DMD: variants seen among roughly 807,000 people sequenced by gnomAD.
DMD encodes the protein mutant dystrophin.
Under a neutral mutation model 330.1 loss-of-function variants are expected in DMD, and 63 were observed. The ratio of observed to expected loss-of-function variants is 0.19; its 90% CI spans 0.16 to 0.24. DMD has a LOEUF of 0.24. DMD is among the 10% of genes least tolerant of loss of function. The pLI is 1.00. For missense variants in DMD, 3,344 were observed against 2,684.1 expected, an observed-to-expected ratio of 1.25 and a Z score of -5.43; for synonymous variants, 1,223 against 959.8, an observed-to-expected ratio of 1.27 and a Z score of -5.07.
chrX:32,907,177 T>C (rs1371513851), intron 2 of DMD, among the ~76,000 whole-genome samples: 2 of 112,265 alleles, frequency 1.8e-5, no homozygotes, highest in African/African-American at 6.5e-5. Flanking sequence ...CTCACTGTGA[T>C]GTTCATTTCA....
At chrX:31,652,873 T>C (rs1157652537) in intron 54 of DMD, among the ~76,000 whole-genome samples, 1 of 110,439 alleles carries the variant, frequency 9.1e-6, no homozygotes, top group East Asian at 2.8e-4. Context: ...AAAAATGATA[T>C]AGTAAGCAGA....
chrX:32,136,179 G>A (rs1298636011), intron 44 of DMD, among the ~76,000 whole-genome samples: 2 of 112,429 alleles, frequency 1.8e-5, no homozygotes, highest in Non-Finnish European at 3.7e-5. Flanking sequence ...TGTGTTCTAA[G>A]TAAGCCAACC....
At chrX:32,928,802 A>G (rs2089322110) in intron 2 of DMD, among the ~76,000 whole-genome samples, 2 of 112,142 alleles carry the variant, frequency 1.8e-5, no homozygotes, top group Non-Finnish European at 3.8e-5. Flanking sequence ...GCTTACAATC[A>G]GATATTCTCA....
intron 1 of DMD, among the ~76,000 whole-genome samples, chrX:33,246,344 C>T (rs1258032818): frequency 3.6e-5 from 4 of 111,708 alleles, no homozygotes; most frequent in African/African-American, 1.3e-4. Context: ...AACAAGCTAA[C>T]AGTGGCAACA....
chrX:33,254,519 A>C (rs1037278143), intron 1 of DMD, among the ~76,000 whole-genome samples: 2 of 110,442 alleles, frequency 1.8e-5, no homozygotes, highest in African/African-American at 6.5e-5. Context: ...CTATATTTTG[A>C]TATAGACTTC....
chrX:32,263,912 G>A (rs1473679133), intron 43 of DMD, among the ~76,000 whole-genome samples: 1 of 111,871 alleles, frequency 8.9e-6, no homozygotes, highest in Non-Finnish European at 1.9e-5. Flanking sequence ...AAATGTAAAT[G>A]AAACTCACTT....
intron 47 of DMD, among the ~76,000 whole-genome samples, chrX:31,909,574 G>A (rs1603579373): frequency 9.4e-6 from 1 of 106,731 alleles, no homozygotes; most frequent in Non-Finnish European, 1.9e-5. Flanking sequence ...CATATTTATT[G>A]TTTAAATCAG....
At chrX:32,750,577 G>A (rs1488417863) in intron 7 of DMD, among the ~76,000 whole-genome samples, 1 of 110,668 alleles carries the variant, frequency 9.0e-6, no homozygotes, top group East Asian at 2.8e-4. Flanking sequence ...ACAGGAAGCA[G>A]AGCCAAACTC....
chrX:33,184,774 A>G (rs1158086928), intron 1 of DMD, among the ~76,000 whole-genome samples: 1 of 86,296 alleles, frequency 1.2e-5, no homozygotes, highest in Non-Finnish European at 2.1e-5. Flanking sequence ...CCCAGGCTGG[A>G]GTGCCATGGC....
intron 48 of DMD, among the ~76,000 whole-genome samples, chrX:31,848,124 T>C (rs2093460170): frequency 8.9e-6 from 1 of 111,988 alleles, no homozygotes; most frequent in Non-Finnish European, 1.9e-5. Flanking sequence ...ATTATGTTAA[T>C]TATTTCTCCT....
intron 45 of DMD, among the ~76,000 whole-genome samples, chrX:31,935,014 C>T (rs1313569478): frequency 1.8e-5 from 2 of 111,885 alleles, no homozygotes; most frequent in African/African-American, 3.2e-5. Flanking sequence ...TCTTCTTCTA[C>T]TCTATGTGCT....
chrX:33,161,895 A>G (rs1326282231), intron 1 of DMD, among the ~76,000 whole-genome samples: 1 of 112,275 alleles, frequency 8.9e-6, no homozygotes, highest in Non-Finnish European at 1.9e-5. Context: ...TAATTGTCCA[A>G]GTTCATCTCT....
chrX:31,310,542 C>T (rs943326666), intron 62 of DMD, among the ~76,000 whole-genome samples: 1 of 101,227 alleles, frequency 9.9e-6, no homozygotes, highest in Non-Finnish European at 2.1e-5. Flanking sequence ...TCTTTTCTTT[C>T]TTCTTTTTTT....
In DMD at chrX:32,471,791, T is replaced by A. The variant is rs143207975; in HGVS notation, c.2949+373A>T. On this transcript the variant is annotated intron_variant, in intron 22 of 78. Coordinates refer to ENST00000357033, the MANE Select transcript of DMD (RefSeq NM_004006.3). ...CCCCATGGATACGAAGGGATGACTG[T>A]ACACTGATTTTACCCACCAGTTTGA... 6.4e-3 allele frequency among the ~76,000 whole-genome samples: 718 copies of A among 111,867 alleles called. 6 individuals carry two copies. Among genetic ancestry groups the A allele is most frequent in the South Asian group, 0.052 (136 of 2,630 alleles).
At chrX:31,129,017 G>C (rs1256393909) in intron 77 of DMD, among the ~76,000 whole-genome samples, 1 of 110,689 alleles carries the variant, frequency 9.0e-6, no homozygotes, top group Non-Finnish European at 1.9e-5. Flanking sequence ...TAGACCTTCA[G>C]TTACAGTGTC....
intron 63 of DMD, among the ~76,000 whole-genome samples, chrX:31,245,836 C>A (rs898326985): frequency 1.8e-5 from 2 of 111,388 alleles, no homozygotes; most frequent in African/African-American, 6.5e-5. Context: ...CTTTCCCTCT[C>A]CTCTGGCCTT....
At chrX:33,063,070 T>C (rs760638616) in intron 1 of DMD, among the ~76,000 whole-genome samples, 3 of 112,253 alleles carry the variant, frequency 2.7e-5, no homozygotes, top group African/African-American at 9.7e-5. Flanking sequence ...ATAGAATATA[T>C]ACTGTTATAA....
chrX:31,696,699 TA>T (rs1234195384), intron 52 of DMD, among the ~76,000 whole-genome samples: 2 of 112,373 alleles, frequency 1.8e-5, no homozygotes, highest in African/African-American at 6.4e-5. Context: ...TCATCTTTTT[TA>T]AAAAAGGTGT....
chrX:32,480,400 GTATA>G (rs1040888751), intron 21 of DMD, among the ~76,000 whole-genome samples: 1 of 104,639 alleles, frequency 9.6e-6, no homozygotes, highest in South Asian at 4.0e-4. Flanking sequence ...GTGTGTGTGT[GTATA>G]TGTCTACATG....
Sources: allele counts gnomAD v4.1 joint callset (sites outside exome capture counted in the v4.1 genomes callset), GRCh38; gene constraint gnomAD v4.1.1; transcripts MANE v1.5; gene names NCBI Gene and HGNC (gene_info 2026-07-23, HGNC 2026-07-21).